Variants in KRIT1 observed in about 807,000 individuals in gnomAD.
KRIT1 encodes the protein KRIT1 ankyrin repeat containing.
Under a neutral mutation model 95.8 loss-of-function variants are expected in KRIT1, and 45 were observed. The observed-to-expected ratio is 0.47, with a 90% CI of 0.37 to 0.60. KRIT1 has a LOEUF of 0.60. Ranked by LOEUF, KRIT1 falls within the 20% of genes least tolerant of loss-of-function variation. The pLI is 0.00. For synonymous variants in KRIT1, 282 were observed against 278.8 expected, an observed-to-expected ratio of 1.01 and a Z score of -0.11; for missense variants, 788 against 877.5, an observed-to-expected ratio of 0.90 and a Z score of 1.29.
At chr7:92,225,259 T>C (rs1273206379) in intron 12 of KRIT1, among the ~76,000 whole-genome samples, 2 of 152,228 alleles carry the variant, frequency 1.3e-5, no homozygotes, top group South Asian at 2.1e-4. Flanking sequence ...TATTTTGTTA[T>C]GCAAGAATAA....
chr7:92,206,303 C>T (rs1243505090), intron 17 of KRIT1: 1 of 152,366 alleles, frequency 6.6e-6, no homozygotes, highest in Admixed American at 6.5e-5. Flanking sequence ...CCTGCTGGCG[C>T]CCACATGTAC....
Position 92,240,808 on chromosome 7 carries a change from A to G in KRIT1, c.262+185T>C. 5.0e-6 allele frequency: 3 copies of G among 603,654 alleles called. No homozygotes were observed. In the South Asian group the frequency reaches 6.2e-5, roughly 12 times the overall value. 37.4% of individuals were successfully genotyped at this position (603,654 alleles called of 1,614,324 possible). On this transcript the variant is annotated intron_variant, in intron 5 of 18. Transcript: ENST00000394505. ...TCTTTAAATACTTCTCAACTTTTAA[A>G]AAATTTGTCAAGTTACATCTTGAAG...
chr7:92,238,998 G>C (rs1799002784), intron 5 of KRIT1, among the ~76,000 whole-genome samples: 1 of 152,164 alleles, frequency 6.6e-6, no homozygotes, highest in Non-Finnish European at 1.5e-5. Flanking sequence ...ATTTTCATGT[G>C]ATGTTTATAT....
intron 17 of KRIT1, among the ~76,000 whole-genome samples, chr7:92,212,604 C>T (rs2131298410): frequency 6.6e-6 from 1 of 152,300 alleles, no homozygotes; most frequent in Admixed American, 6.5e-5. Flanking sequence ...GTCTCCAACC[C>T]AGAAAAACGC....
chr7:92,230,249 T>C (rs1797010673), intron 10 of KRIT1, among the ~76,000 whole-genome samples: 1 of 152,142 alleles, frequency 6.6e-6, no homozygotes, highest in Non-Finnish European at 1.5e-5. Flanking sequence ...GCCCAACGTC[T>C]CATGGTGACT....
intron 17 of KRIT1, chr7:92,205,819 ATG>A (rs1238562015): frequency 6.6e-6 from 1 of 152,210 alleles, no homozygotes; most frequent in African/African-American, 2.4e-5. Context: ...TCCCATTTAA[ATG>A]TGTTAAATAT....
chr7:92,206,302 G>A (rs754063437), intron 17 of KRIT1: 35 of 152,302 alleles, frequency 2.3e-4, no homozygotes, highest in Non-Finnish European at 4.8e-4. Flanking sequence ...GCCTGCTGGC[G>A]CCCACATGTA....
intron 10 of KRIT1, among the ~76,000 whole-genome samples, chr7:92,229,629 T>C (rs978627976): frequency 6.6e-6 from 1 of 152,198 alleles, no homozygotes; most frequent in African/African-American, 2.4e-5. Context: ...CCCTTCCTGA[T>C]TTCGTTCAGG....
intron 10 of KRIT1, among the ~76,000 whole-genome samples, chr7:92,232,677 G>A (rs1797557430): frequency 6.6e-6 from 1 of 151,950 alleles, no homozygotes; most frequent in Non-Finnish European, 1.5e-5. Flanking sequence ...TTTAGCTCCT[G>A]GTAAAGCATG....
In KRIT1 at chr7:92,213,227, T is replaced by C. The variant is rs1793261775; in HGVS notation, c.1993A>G (p.Lys665Glu). 2.5e-6 allele frequency: 4 copies of C among 1,613,118 alleles called. No individual in the cohort carries two copies. The Admixed American group carries it at 5.0e-5, about 20-fold the overall frequency. Reference protein sequence around the residue: ...VIPVYVGVNIKGLHLLNMETK... With the variant: ...VIPVYVGVNIEGLHLLNMETK... ...TCCATGTTGAGGAGATGAAGTCCTTTTATATTCACTCCTACATACACAGGG... is the reference window on the plus strand; with the variant it reads ...TCCATGTTGAGGAGATGAAGTCCTTCTATATTCACTCCTACATACACAGGG... The change falls in exon 17 of 19, where the codon AAA becomes GAA. Residue 665 changes from lysine (K) to glutamate (E), a missense_variant. By Grantham distance (56) the Lys-to-Glu change is moderately conservative. This residue lies in a region of KRIT1 where 493 missense variants were observed against 582.3 expected (regional missense o/e 0.85). Coordinates refer to ENST00000394505, the MANE Select transcript of KRIT1 (RefSeq NM_194454.3).
rs150912644 is a variant in KRIT1 at position 92,222,907 on chromosome 7, G to A, written c.1326C>T (p.Thr442=). 2 of 1,601,874 alleles carry A rather than the reference G, an allele frequency of 1.2e-6. No homozygotes were observed. The highest frequency in any genetic ancestry group is 1.7e-6 in the Non-Finnish European group (2 of 1,169,154). ...TTCCTTCCATTATCTGCTGCACTGT[G>A]GTATTATTTCCATGCTTCAATTCAA... ...RSVELKHGNN[T]TVQQIMEGMR... Residue 442 remains threonine, a synonymous_variant, in exon 13 of 19, where the codon ACC becomes ACT. Transcript: ENST00000394505.
At chr7:92,223,273 CAAAAAAAAAAA>C (rs568078150) in intron 12 of KRIT1, among the ~76,000 whole-genome samples, 7 of 42,106 alleles carry the variant, frequency 1.7e-4, no homozygotes, top group Non-Finnish European at 3.2e-4. Context: ...ACTAAAAATA[CAAAAAAAAAAA>C]AAAAAAAAAA....
At chr7:92,211,808 A>G (rs2131287515) in intron 17 of KRIT1, among the ~76,000 whole-genome samples, 1 of 152,276 alleles carries the variant, frequency 6.6e-6, no homozygotes, top group Admixed American at 6.5e-5. Flanking sequence ...AATTAAAAAA[A>G]TGAGTGGGAC....
chr7:92,231,571 T>C (rs1797295152), intron 10 of KRIT1, among the ~76,000 whole-genome samples: 1 of 152,200 alleles, frequency 6.6e-6, no homozygotes, highest in South Asian at 2.1e-4. Context: ...AAAATAGGAC[T>C]AAACCCTAGT....
At chr7:92,233,040 A>G (rs1797653553) in intron 10 of KRIT1, among the ~76,000 whole-genome samples, 1 of 152,132 alleles carries the variant, frequency 6.6e-6, no homozygotes, top group Admixed American at 6.6e-5. Context: ...ATTTTCTGGT[A>G]ATCTAAAGAA....
At chr7:92,236,726 T>C (rs539244655) in intron 6 of KRIT1, among the ~76,000 whole-genome samples, 184 bp from the exon 7 acceptor site, 1 of 152,192 alleles carries the variant, frequency 6.6e-6, no homozygotes, top group Non-Finnish European at 1.5e-5. Flanking sequence ...CTCAGGTAAA[T>C]GCAACATTTA....
At position 92,222,954 on chromosome 7, in the gene KRIT1, T is replaced by C; in HGVS notation, c.1279A>G (p.Met427Val). The stretch of plus-strand genomic sequence containing the variant: ...TCAACAGAACGATATGACCCATCCA[T>C]TCTGTATATTCGAACTTTTTCATAC... ...KPYEKVRIYR[M>V]DGSYRSVELK... The change falls in exon 13 of 19, where the codon ATG becomes GTG. Residue 427 changes from methionine to valine, a missense_variant. Physicochemically the swap from Met to Val is conservative, Grantham distance 21 (BLOSUM62 1). Transcript: ENST00000394505. 6.2e-7 allele frequency: 1 copy of C among 1,610,504 alleles called. No individual in the cohort carries two copies. The highest frequency in any genetic ancestry group is 8.5e-7 in the Non-Finnish European group (1 of 1,177,102).
chr7:92,234,983 T>C lies in KRIT1; in HGVS notation c.730-60A>G, dbSNP rs971763108. 5 of 819,412 alleles carry C rather than the reference T, an allele frequency of 6.1e-6. No individual in the cohort carries two copies. In the South Asian group the frequency reaches 6.9e-5, roughly 11 times the overall value. 50.8% of individuals were successfully genotyped at this position (819,412 alleles called of 1,614,324 possible). A position where few individuals can be genotyped will look rare whatever the true frequency, so the allele number is the denominator to read the frequency against. On this transcript the variant is annotated intron_variant, in intron 8 of 18. Transcript: ENST00000394505. ...GAGCTTTGTCATCTTAATGTTTACA[T>C]GTTTATATTTTAAATTTTTACTTAT...
In KRIT1 at chr7:92,209,876, A is replaced by G. The variant is rs538259655; in HGVS notation, c.2025+3319T>C. On this transcript the variant is annotated intron_variant, in intron 17 of 18. Transcript: ENST00000394505. The stretch of plus-strand genomic sequence containing the variant: ...TCAGAAGTTCAAGACCAGCCTGGCC[A>G]ACATAGTGAAACCCTGTCTCTACTA... Among the ~76,000 whole-genome samples the G allele has an allele frequency of 2.0e-5, 3 of 152,216 alleles. No homozygotes were observed. The South Asian group carries it at 6.2e-4, about 32-fold the overall frequency.
Sources: allele counts gnomAD v4.1 joint callset (sites outside exome capture counted in the v4.1 genomes callset), GRCh38; gene constraint gnomAD v4.1.1; regional missense constraint gnomAD v4.1.1; transcripts MANE v1.5; gene names NCBI Gene and HGNC (gene_info 2026-07-23, HGNC 2026-07-21).